SNTG1: variants seen among roughly 807,000 people sequenced by gnomAD.
SNTG1 encodes the protein gamma-1-syntrophin.
Under a neutral mutation model 74.7 loss-of-function variants are expected in SNTG1, and 39 were observed. That is an observed-to-expected ratio of 0.52 (90% CI 0.40 to 0.68). The LOEUF is 0.68. Among genes scored for constraint, SNTG1 ranks in the 30% least tolerant of loss-of-function variants. The probability of loss-of-function intolerance (pLI) is 0.00; values close to 1 mark genes in which losing one functional copy is unlikely to be tolerated. For synonymous variants in SNTG1, 254 were observed against 217.1 expected (o/e 1.17, Z -1.49); for missense variants, 685 against 609.5 (o/e 1.12, Z -1.30).
At chr8:50,150,814 A>C (rs2082041973) in intron 1 of SNTG1, among the ~76,000 whole-genome samples, 1 of 152,152 alleles carries the variant, frequency 6.6e-6, no homozygotes, top group African/African-American at 2.4e-5. Flanking sequence ...TCGGTTTGTC[A>C]GTATTTTATT....
intron 1 of SNTG1, among the ~76,000 whole-genome samples, chr8:50,091,356 C>T (rs1220714383): frequency 6.6e-6 from 1 of 151,824 alleles, no homozygotes; most frequent in Non-Finnish European, 1.5e-5. Context: ...GTATATAATA[C>T]AGTATTACTA....
intron 2 of SNTG1, among the ~76,000 whole-genome samples, chr8:50,338,819 G>A (rs1226805673): frequency 6.6e-6 from 1 of 152,002 alleles, no homozygotes; most frequent in Non-Finnish European, 1.5e-5. Context: ...ATGTGTAATG[G>A]GAATACCAGA....
chr8:50,715,007 T>A (rs2095471728), intron 17 of SNTG1, among the ~76,000 whole-genome samples: 1 of 152,220 alleles, frequency 6.6e-6, no homozygotes, highest in Non-Finnish European at 1.5e-5. Context: ...TTTTATGTTT[T>A]TGTTTTCGCT....
intron 8 of SNTG1, among the ~76,000 whole-genome samples, chr8:50,485,994 T>C (rs1182074109): frequency 6.6e-6 from 1 of 152,122 alleles, no homozygotes; most frequent in Non-Finnish European, 1.5e-5. Context: ...TATGCGGCGT[T>C]ATTTCTGAGG....
chr8:49,949,655 T>C (rs975387075), intron 1 of SNTG1, among the ~76,000 whole-genome samples: 39 of 152,232 alleles, frequency 2.6e-4, no homozygotes, highest in African/African-American at 8.9e-4. Flanking sequence ...TAGATCTTTC[T>C]TGTGATAAAA....
chr8:50,650,685 A>T (rs1585959456), intron 13 of SNTG1, among the ~76,000 whole-genome samples: 1 of 152,090 alleles, frequency 6.6e-6, no homozygotes, highest in African/African-American at 2.4e-5. Flanking sequence ...AAGAATTAAT[A>T]TATTTCATTT....
At chr8:50,223,833 G>T (rs1303894993) in intron 2 of SNTG1, among the ~76,000 whole-genome samples, 1 of 151,970 alleles carries the variant, frequency 6.6e-6, no homozygotes, top group Non-Finnish European at 1.5e-5. Context: ...TCTTTTCAGT[G>T]TAGAACAGAT....
chr8:50,115,867 A>T (rs1427281970), intron 1 of SNTG1, among the ~76,000 whole-genome samples: 2 of 151,866 alleles, frequency 1.3e-5, no homozygotes, highest in Non-Finnish European at 2.9e-5. Context: ...GAAAAGTACC[A>T]CCCACCGCCC....
At chr8:50,700,671 A>G (rs1040454846) in intron 15 of SNTG1, among the ~76,000 whole-genome samples, 1 of 150,096 alleles carries the variant, frequency 6.7e-6, no homozygotes, top group Admixed American at 6.6e-5. Context: ...TCTCCCTACA[A>G]TACAACTTTC....
At chr8:50,339,514 AG>A (rs1206536294) in intron 2 of SNTG1, among the ~76,000 whole-genome samples, 1 of 152,050 alleles carries the variant, frequency 6.6e-6, no homozygotes, top group Non-Finnish European at 1.5e-5. Flanking sequence ...AAGGAAGGTG[AG>A]GTTTTGAATA....
intron 13 of SNTG1, among the ~76,000 whole-genome samples, chr8:50,601,745 T>C (rs954096791): frequency 1.1e-4 from 17 of 152,196 alleles, no homozygotes; most frequent in African/African-American, 4.1e-4. Context: ...TATTCTTGTA[T>C]TGAGATCTGT....
At position 49,989,824 on chromosome 8, in the gene SNTG1, A is replaced by C. The variant is rs568853100; in HGVS notation, c.-103+77593A>C. Among the ~76,000 whole-genome samples, 6 of 152,154 alleles carry C rather than the reference A, an allele frequency of 3.9e-5. No homozygotes were observed. In the East Asian group the frequency reaches 1.2e-3, roughly 29 times the overall value. On this transcript the variant is annotated intron_variant, in intron 1 of 18. Transcript: ENST00000642720. ...AAACCAAACAATGTAATATATTGATACAGTAATAAAGAAAATCTGTGTAAT... is the reference window on the plus strand; with the variant it reads ...AAACCAAACAATGTAATATATTGATCCAGTAATAAAGAAAATCTGTGTAAT...
intron 1 of SNTG1, among the ~76,000 whole-genome samples, chr8:49,933,132 T>C (rs552893148): frequency 2.0e-4 from 30 of 152,330 alleles, no homozygotes; most frequent in African/African-American, 7.2e-4. Flanking sequence ...TTTTTGGATA[T>C]ATATCTAGCG....
At chr8:50,099,576 T>C (rs1468287776) in intron 1 of SNTG1, among the ~76,000 whole-genome samples, 1 of 152,148 alleles carries the variant, frequency 6.6e-6, no homozygotes, top group Non-Finnish European at 1.5e-5. Flanking sequence ...CATGCTGCTC[T>C]CCACAGTAAC....
intron 1 of SNTG1, among the ~76,000 whole-genome samples, chr8:49,956,625 TAGC>T (rs1184147390): frequency 1.3e-5 from 2 of 152,222 alleles, no homozygotes; most frequent in Admixed American, 1.3e-4. Flanking sequence ...GGTTGCAAAA[TAGC>T]AGTTTTCTAC....
intron 2 of SNTG1, among the ~76,000 whole-genome samples, chr8:50,354,871 T>G (rs2091773217): frequency 1.3e-5 from 2 of 152,160 alleles, no homozygotes; most frequent in Admixed American, 1.3e-4. Context: ...GTAATAAAAT[T>G]AAAGGTGAAA....
At chr8:50,326,151 G>T (rs1009555070) in intron 2 of SNTG1, among the ~76,000 whole-genome samples, 2 of 151,896 alleles carry the variant, frequency 1.3e-5, no homozygotes, top group African/African-American at 2.4e-5. Flanking sequence ...GTCTTTGCCT[G>T]TAATTTTCTA....
intron 4 of SNTG1, among the ~76,000 whole-genome samples, chr8:50,402,975 G>C (rs953522236): frequency 4.6e-5 from 7 of 152,280 alleles, no homozygotes; most frequent in Admixed American, 4.6e-4. Flanking sequence ...TCATGTCGAG[G>C]CAGCATAGCT....
At chr8:50,072,757 C>T (rs1453217854) in intron 1 of SNTG1, among the ~76,000 whole-genome samples, 1 of 152,132 alleles carries the variant, frequency 6.6e-6, no homozygotes, top group East Asian at 1.9e-4. Flanking sequence ...ATCATGGGTT[C>T]AGTTCTAGAC....
Sources: allele counts gnomAD v4.1 joint callset (sites outside exome capture counted in the v4.1 genomes callset), GRCh38; gene constraint gnomAD v4.1.1; transcripts MANE v1.5; gene names NCBI Gene and HGNC (gene_info 2026-07-23, HGNC 2026-07-21).